Variants in SLC35F3 observed in about 807,000 individuals in gnomAD.
The protein encoded by SLC35F3 is solute carrier family 35 member F3.
In SLC35F3, 25 loss-of-function variants were observed where a neutral mutation model predicts 49.9. That is an observed-to-expected ratio of 0.50 (90% CI 0.37 to 0.70). SLC35F3 has a LOEUF of 0.70. SLC35F3 is among the 30% of genes least tolerant of loss of function. The pLI is 0.00. For synonymous variants in SLC35F3, 275 were observed against 265.4 expected (o/e 1.04, Z -0.35); for missense variants, 525 against 639.8 (o/e 0.82, Z 1.94).
chr1:233,965,131 G>T (rs755219261), intron 2 of SLC35F3, among the ~76,000 whole-genome samples: 10 of 152,118 alleles, frequency 6.6e-5, no homozygotes, highest in Non-Finnish European at 1.2e-4. Context: ...CTGGGCCTGT[G>T]GTCCTTCCTA....
At chr1:234,132,006 A>T (rs1665744482) in intron 2 of SLC35F3, among the ~76,000 whole-genome samples, 1 of 152,180 alleles carries the variant, frequency 6.6e-6, no homozygotes, top group Admixed American at 6.5e-5. Context: ...TTTTCCCTAG[A>T]AGCAGCTGAG....
At chr1:234,250,585 C>T (rs12073949) in intron 3 of SLC35F3, among the ~76,000 whole-genome samples, 2 of 140,354 alleles carry the variant, frequency 1.4e-5, no homozygotes, top group Non-Finnish European at 3.0e-5. Flanking sequence ...ACCCGGGAGG[C>T]GGAGCTTGCA....
intron 2 of SLC35F3, among the ~76,000 whole-genome samples, chr1:234,216,651 G>T (rs368585846): frequency 2.0e-5 from 3 of 152,360 alleles, no homozygotes; most frequent in East Asian, 3.9e-4. Context: ...TGTGGATAAC[G>T]GAAATGTATA....
intron 2 of SLC35F3, among the ~76,000 whole-genome samples, chr1:234,088,246 C>T (rs148750238): frequency 1.6e-4 from 25 of 152,296 alleles, no homozygotes; most frequent in African/African-American, 5.8e-4. Flanking sequence ...GACAGAGTCT[C>T]GCCCAGGCTG....
intron 3 of SLC35F3, chr1:234,285,663 A>C (rs1668408504): frequency 8.5e-6 from 2 of 235,062 alleles, no homozygotes. Context: ...TAAACTGAAA[A>C]ACATTAATTA....
At chr1:234,178,771 G>A (rs530506969) in intron 2 of SLC35F3, among the ~76,000 whole-genome samples, 5 of 152,042 alleles carry the variant, frequency 3.3e-5, no homozygotes, top group Middle Eastern at 3.4e-3. Context: ...AACCCATACT[G>A]ACACATCATC....
At chr1:234,108,273 G>A (rs1316211712) in intron 2 of SLC35F3, among the ~76,000 whole-genome samples, 1 of 47,958 alleles carries the variant, frequency 2.1e-5, no homozygotes, top group African/African-American at 8.1e-5. Flanking sequence ...ATATATAAAA[G>A]ATATATATTA....
intron 2 of SLC35F3, among the ~76,000 whole-genome samples, chr1:234,116,553 C>A (rs1178661940): frequency 1.4e-5 from 2 of 146,674 alleles, no homozygotes; most frequent in Admixed American, 7.0e-5. Context: ...GCTCTGTTGC[C>A]CAGGCTGGAG....
intron 2 of SLC35F3, among the ~76,000 whole-genome samples, chr1:234,182,437 G>T (rs1433835905): frequency 2.0e-5 from 3 of 152,144 alleles, no homozygotes; most frequent in Admixed American, 2.0e-4. Flanking sequence ...CCCTGATCTG[G>T]GCTCTAGGAG....
intron 3 of SLC35F3, among the ~76,000 whole-genome samples, chr1:234,239,280 G>A (rs902754968): frequency 1.3e-5 from 2 of 152,076 alleles, no homozygotes; most frequent in African/African-American, 2.4e-5. Flanking sequence ...TGAGAAGGAG[G>A]GCCCATGTAG....
At chr1:234,078,158 C>T (rs891756388) in intron 2 of SLC35F3, among the ~76,000 whole-genome samples, 32 of 152,166 alleles carry the variant, frequency 2.1e-4, no homozygotes, top group Non-Finnish European at 4.3e-4. Flanking sequence ...CATCTTTTTC[C>T]TTTAGGTTCC....
chr1:234,309,037 A>T, intron 3 of SLC35F3, 64 bp from the exon 4 acceptor site: 4 of 1,310,376 alleles, frequency 3.1e-6, no homozygotes, highest in Non-Finnish European at 4.3e-6. Context: ...AACTTGCTAT[A>T]GGAAATAAAT....
intron 3 of SLC35F3, among the ~76,000 whole-genome samples, chr1:234,234,124 T>C (rs369894230): frequency 4.3e-4 from 65 of 152,316 alleles, no homozygotes; most frequent in African/African-American, 1.4e-3. Context: ...AAATCACATC[T>C]TTCATCTTCA....
chr1:234,320,043 G>A lies in SLC35F3; in HGVS notation c.1148-55G>A. 2.4e-6 allele frequency: 3 copies of A among 1,266,676 alleles called. No individual in the cohort carries two copies. The highest frequency in any genetic ancestry group is 3.5e-6 in the Non-Finnish European group (3 of 864,332). The allele number at this position is 1,266,676 out of a possible 1,614,324, so 78.5% of individuals were successfully genotyped here. ...CCTGGGTCAGATAGGCCAGCAGGGA[G>A]GTAAAGTACACAGCAGTCATGAATA... On this transcript the variant is annotated intron_variant, in intron 6 of 7. Coordinates refer to ENST00000366618, the MANE Select transcript of SLC35F3 (RefSeq NM_173508.4). The surrounding 1 kb of genome is among the most constrained non-coding windows in gnomAD (Gnocchi z 4.8).
chr1:234,159,903 AT>A (rs1290157795), intron 2 of SLC35F3, among the ~76,000 whole-genome samples: 1 of 152,114 alleles, frequency 6.6e-6, no homozygotes. Flanking sequence ...GTCTGGACTA[AT>A]TTCTCGTAAG....
At chr1:234,173,921 T>C (rs1666438406) in intron 2 of SLC35F3, among the ~76,000 whole-genome samples, 1 of 152,172 alleles carries the variant, frequency 6.6e-6, no homozygotes, top group African/African-American at 2.4e-5. Flanking sequence ...GGAGCGATTT[T>C]CTCCTCTGGA....
chr1:234,107,572 A>C (rs191758396), intron 2 of SLC35F3, among the ~76,000 whole-genome samples: 2 of 152,260 alleles, frequency 1.3e-5, no homozygotes, highest in East Asian at 3.9e-4. Context: ...GTTCACTATC[A>C]TGTGTATGAC....
intron 2 of SLC35F3, among the ~76,000 whole-genome samples, chr1:233,944,864 G>A (rs1397625916): frequency 1.3e-5 from 2 of 152,116 alleles, no homozygotes; most frequent in Non-Finnish European, 2.9e-5. Context: ...GATTGTAGAG[G>A]GGACGGAAGG....
At chr1:234,115,247 C>T (rs1204553002) in intron 2 of SLC35F3, among the ~76,000 whole-genome samples, 3 of 152,154 alleles carry the variant, frequency 2.0e-5, no homozygotes, top group Admixed American at 6.5e-5. Flanking sequence ...AAGTACTCAT[C>T]GACACCTTTT....
Sources: gnomAD v4.1 joint callset for allele counts (sites outside exome capture counted in the v4.1 genomes callset) on GRCh38, gnomAD v4.1.1 for gene constraint, Gnocchi (gnomAD v3.1) non-coding constraint, MANE v1.5 for transcripts, NCBI Gene and HGNC (gene_info 2026-07-23, HGNC 2026-07-21) for gene names.